Variants in DOCK2 observed in about 807,000 individuals in gnomAD.
DOCK2 encodes dedicator of cytokinesis 2.
Under a neutral mutation model 248.9 loss-of-function variants are expected in DOCK2, and 87 were observed. The ratio of observed to expected loss-of-function variants is 0.35; its 90% CI spans 0.29 to 0.42. The LOEUF (loss-of-function observed/expected upper bound fraction) is 0.42. Among genes scored for constraint, DOCK2 ranks in the 10% least tolerant of loss-of-function variants. The pLI, the probability that DOCK2 is intolerant of heterozygous loss-of-function variation, is 1.00. For missense variants in DOCK2, 1,747 were observed against 2,300.2 expected, an observed-to-expected ratio of 0.76 and a Z score of 4.92; for synonymous variants, 805 against 821.6, an observed-to-expected ratio of 0.98 and a Z score of 0.35.
intron 30 of DOCK2, among the ~76,000 whole-genome samples, chr5:170,008,163 C>T (rs1397143665): frequency 6.7e-6 from 1 of 149,950 alleles, no homozygotes; most frequent in African/African-American, 2.5e-5. Flanking sequence ...AATTATTTGT[C>T]TTTCAAAAAA....
At chr5:169,972,368 G>C (rs1485988248) in intron 27 of DOCK2, among the ~76,000 whole-genome samples, 1 of 152,108 alleles carries the variant, frequency 6.6e-6, no homozygotes, top group Non-Finnish European at 1.5e-5. Flanking sequence ...CTTGGGGCTG[G>C]ATCATTTTCT....
intron 27 of DOCK2, among the ~76,000 whole-genome samples, chr5:169,955,899 C>T: frequency 6.6e-6 from 1 of 152,162 alleles, no homozygotes; most frequent in East Asian, 1.9e-4. Flanking sequence ...GCTCATTGTA[C>T]TGCTCAAGTC....
intron 2 of DOCK2, 64 bp downstream of exon 2, chr5:169,654,550 AG>A (rs1300747287): frequency 1.9e-6 from 3 of 1,566,780 alleles, no homozygotes; most frequent in Non-Finnish European, 2.6e-6. Context: ...TAGTACACCC[AG>A]GCCCCTCAGC....
rs1764642399 is a variant in DOCK2, at chr5:169,764,218, C to T, written c.2554+2593C>T. ...TTTAACTGCCAGATGTGCAAATTGC[C>T]TGGAGTATTTTCAGTGACAGTTGCT... On this transcript the variant is annotated intron_variant, in intron 25 of 51. Coordinates refer to ENST00000520908, the MANE Select transcript of DOCK2 (RefSeq NM_004946.3). This position sits in a 1 kb window ranked among gnomAD's most constrained non-coding sequence, Gnocchi z 4.3. Among the ~76,000 whole-genome samples, 1 of 152,150 alleles carries T rather than the reference C, an allele frequency of 6.6e-6. No homozygotes were observed. The highest frequency in any genetic ancestry group is 2.1e-4 in the South Asian group (1 of 4,822).
intron 27 of DOCK2, among the ~76,000 whole-genome samples, chr5:169,890,547 C>T (rs572028683): frequency 2.4e-4 from 36 of 152,164 alleles, no homozygotes; most frequent in African/African-American, 7.0e-4. Flanking sequence ...TACCCCTTTC[C>T]GGCAGCTTTC....
chr5:170,008,121 G>T (rs1208412849), intron 30 of DOCK2, among the ~76,000 whole-genome samples: 1 of 151,416 alleles, frequency 6.6e-6, no homozygotes, highest in Non-Finnish European at 1.5e-5. Flanking sequence ...TCCAGGGCAA[G>T]AACCAGCTCT....
intron 22 of DOCK2, among the ~76,000 whole-genome samples, chr5:169,721,015 C>T (rs80346277): frequency 0.056 from 8,488 of 152,284 alleles, 238 homozygotes; most frequent in South Asian, 0.11. Context: ...AGCCACTGCG[C>T]CCAGCCAGTA....
intron 27 of DOCK2, among the ~76,000 whole-genome samples, chr5:169,911,647 T>G (rs1210162751): frequency 6.6e-6 from 1 of 152,248 alleles, no homozygotes; most frequent in East Asian, 1.9e-4. Flanking sequence ...CTTTTCTGTC[T>G]GCCTTCAAGT....
At chr5:169,912,384 T>C (rs930138056) in intron 27 of DOCK2, among the ~76,000 whole-genome samples, 1 of 152,202 alleles carries the variant, frequency 6.6e-6, no homozygotes, top group Non-Finnish European at 1.5e-5. Flanking sequence ...TCATTGTCTA[T>C]TGGCTTTCAG....
At chr5:169,845,575 A>C (rs774021489) in intron 27 of DOCK2, among the ~76,000 whole-genome samples, 7 of 152,188 alleles carry the variant, frequency 4.6e-5, no homozygotes, top group African/African-American at 7.2e-5. Context: ...TTACCTTCAT[A>C]TTCTTGAATG....
intron 25 of DOCK2, among the ~76,000 whole-genome samples, chr5:169,788,877 G>A (rs879438261): frequency 4.6e-5 from 7 of 152,110 alleles, no homozygotes; most frequent in East Asian, 1.9e-4. Flanking sequence ...GTCCATGTGC[G>A]GGTTTGTTAT....
chr5:169,691,863 ATT>A (rs10535818), intron 9 of DOCK2, among the ~76,000 whole-genome samples: 3,257 of 145,532 alleles, frequency 0.022, 66 homozygotes, highest in East Asian at 0.073. Context: ...ATTTTTATTT[ATT>A]TTTTTTTTTG....
Position 170,069,120 on chromosome 5 carries a change from C to T in DOCK2, c.4645-17C>T. The T allele has an allele frequency of 6.2e-7, 1 of 1,611,918 alleles. No homozygotes were observed. Among genetic ancestry groups the T allele is most frequent in the African/African-American group, 1.3e-5 (1 of 74,982 alleles). ...CACATGAACAGGAAACCCTGACCTC[C>T]TATCTGTCCTCCCCAGGCCTTCTTC... On this transcript the variant is annotated splice_polypyrimidine_tract_variant and intron_variant, in intron 45 of 51. Transcript: ENST00000520908.
chr5:169,842,933 A>G (rs1416982197), intron 27 of DOCK2, among the ~76,000 whole-genome samples: 1 of 152,030 alleles, frequency 6.6e-6, no homozygotes, highest in Non-Finnish European at 1.5e-5. Context: ...TTGCCCCATC[A>G]ATCTTTACCA....
chr5:170,002,409 G>A (rs913036691), intron 30 of DOCK2, among the ~76,000 whole-genome samples: 15 of 152,280 alleles, frequency 9.9e-5, no homozygotes, highest in African/African-American at 3.1e-4. Flanking sequence ...AAAGCCAAGT[G>A]CAGCAGACTT....
chr5:170,037,874 G>A (rs1029355131), intron 36 of DOCK2, among the ~76,000 whole-genome samples: 1 of 152,214 alleles, frequency 6.6e-6, no homozygotes, highest in Non-Finnish European at 1.5e-5. Context: ...AGATTGAGGA[G>A]CAAGGTATTT....
At chr5:170,008,207 C>T (rs1755127142) in intron 30 of DOCK2, among the ~76,000 whole-genome samples, 1 of 60,760 alleles carries the variant, frequency 1.6e-5, no homozygotes, top group Non-Finnish European at 2.8e-5. Context: ...ACAACAACAA[C>T]AACAACAACA....
chr5:170,010,857 C>G (rs1755260658), intron 32 of DOCK2, among the ~76,000 whole-genome samples: 2 of 152,196 alleles, frequency 1.3e-5, no homozygotes, highest in Non-Finnish European at 2.9e-5. Flanking sequence ...TGTTTCAAGT[C>G]CTTCCACATG....
In DOCK2 at chr5:170,034,572, G is replaced by A. The variant is rs891590008; in HGVS notation, c.3624+17G>A. The A allele has an allele frequency of 5.6e-6, 9 of 1,613,378 alleles. No homozygotes were observed. Among genetic ancestry groups the A allele is most frequent in the Admixed American group, 1.7e-5 (1 of 59,988 alleles). ...AACCTGCTGGTGCGTGGGGCTGGCGGGTCCAAGTCAGACCAGAACCCTGTG... is the reference window on the plus strand; with the variant it reads ...AACCTGCTGGTGCGTGGGGCTGGCGAGTCCAAGTCAGACCAGAACCCTGTG... On this transcript the variant is annotated intron_variant, in intron 35 of 51. Transcript: ENST00000520908.
Sources: gnomAD v4.1 joint callset for allele counts (sites outside exome capture counted in the v4.1 genomes callset) on GRCh38, gnomAD v4.1.1 for gene constraint, Gnocchi (gnomAD v3.1) non-coding constraint, MANE v1.5 for transcripts, NCBI Gene and HGNC (gene_info 2026-07-23, HGNC 2026-07-21) for gene names.